ADGRV1: variants seen among roughly 807,000 people sequenced by gnomAD.
ADGRV1 encodes adhesion G protein-coupled receptor V1, also known as G-protein coupled receptor 98.
ADGRV1 carries 359 observed loss-of-function variants against 596.2 expected under a neutral mutation model. The observed-to-expected ratio is 0.60, with a 90% CI of 0.55 to 0.66. The LOEUF is 0.66. Among genes scored for constraint, ADGRV1 ranks in the 30% least tolerant of loss-of-function variants. ADGRV1 has a pLI of 0.00. For synonymous variants in ADGRV1, 2,681 were observed against 2,679.2 expected, an observed-to-expected ratio of 1.00 and a Z score of -0.02; for missense variants, 7,274 against 7,575.6, an observed-to-expected ratio of 0.96 and a Z score of 1.48.
intron 83 of ADGRV1, among the ~76,000 whole-genome samples, chr5:90,934,908 G>T (rs956921404): frequency 5.3e-5 from 8 of 152,108 alleles, no homozygotes; most frequent in Non-Finnish European, 7.4e-5. Flanking sequence ...ATTCTCTGGT[G>T]TGTCTTACAA....
intron 43 of ADGRV1, among the ~76,000 whole-genome samples, chr5:90,718,705 T>C (rs557205070): frequency 6.6e-6 from 1 of 152,056 alleles, no homozygotes; most frequent in East Asian, 1.9e-4. Flanking sequence ...AATATATATA[T>C]AAAAATTCAA....
chr5:91,060,755 A>G (rs1028863973), intron 85 of ADGRV1, among the ~76,000 whole-genome samples: 11 of 152,192 alleles, frequency 7.2e-5, no homozygotes, highest in African/African-American at 2.4e-4. Context: ...CTGAATGTTC[A>G]CCCCTGCAGG....
At chr5:91,115,546 T>A (rs948528822) in intron 87 of ADGRV1, among the ~76,000 whole-genome samples, 4 of 152,194 alleles carry the variant, frequency 2.6e-5, no homozygotes, top group Non-Finnish European at 4.4e-5. Flanking sequence ...GGAAGTTGAG[T>A]AAGATCTTAG....
At chr5:91,120,832 G>C (rs984561914) in intron 87 of ADGRV1, among the ~76,000 whole-genome samples, 16 of 152,170 alleles carry the variant, frequency 1.1e-4, no homozygotes, top group African/African-American at 3.9e-4. Flanking sequence ...GTGGAGTATA[G>C]CTGTACAGAA....
intron 31 of ADGRV1, among the ~76,000 whole-genome samples, chr5:90,692,143 A>G (rs1746559079): frequency 6.6e-6 from 1 of 152,112 alleles, no homozygotes; most frequent in African/African-American, 2.4e-5. Flanking sequence ...TTTTCTCTCT[A>G]AATTTAGGTG....
intron 83 of ADGRV1, 140 bp downstream of exon 83, chr5:90,863,997 G>A (rs1441901732): frequency 1.7e-6 from 1 of 591,342 alleles, no homozygotes; most frequent in Non-Finnish European, 3.0e-6. Flanking sequence ...GGAAGAGAAT[G>A]GGGACAGGAG....
At chr5:90,704,110 C>T (rs990143376) in intron 35 of ADGRV1, among the ~76,000 whole-genome samples, 13 of 152,276 alleles carry the variant, frequency 8.5e-5, no homozygotes, top group African/African-American at 2.9e-4. Flanking sequence ...ACCTCTCCAA[C>T]TTTGTGCTTT....
At chr5:90,698,561 A>AAC (rs1747497653) in intron 34 of ADGRV1, among the ~76,000 whole-genome samples, 2 of 152,168 alleles carry the variant, frequency 1.3e-5, no homozygotes, top group Non-Finnish European at 2.9e-5. Context: ...ATTTGAAGTT[A>AAC]TTTGAGTTGG....
intron 67 of ADGRV1, among the ~76,000 whole-genome samples, chr5:90,786,239 G>A (rs1344729948): frequency 6.6e-6 from 1 of 151,572 alleles, no homozygotes; most frequent in Non-Finnish European, 1.5e-5. Context: ...ATCATACACT[G>A]GGGCCTATTG....
chr5:90,959,361 G>A (rs1161154929), intron 83 of ADGRV1, among the ~76,000 whole-genome samples: 1 of 151,698 alleles, frequency 6.6e-6, no homozygotes, highest in Non-Finnish European at 1.5e-5. Flanking sequence ...CTAAATAAAT[G>A]GAGAAAGACA....
At position 91,030,218 on chromosome 5, in the gene ADGRV1, G is replaced by A. The variant is rs1320101618; in HGVS notation, c.18153-42229G>A. On this transcript the variant is annotated intron_variant, in intron 85 of 89. Transcript: ENST00000405460. ...TATTGATAGATATTCAAATATTAAA[G>A]TCTTTGAAATGCTTAGATAAACCCT... is the stretch of plus-strand genomic sequence containing the variant. Among the ~76,000 whole-genome samples the A allele has an allele frequency of 3.3e-5, 5 of 152,180 alleles. No individual in the cohort carries two copies. The South Asian group carries it at 8.3e-4, about 25-fold the overall frequency.
chr5:90,935,764 T>G (rs1775630387), intron 83 of ADGRV1, among the ~76,000 whole-genome samples: 1 of 152,184 alleles, frequency 6.6e-6, no homozygotes, highest in Admixed American at 6.5e-5. Flanking sequence ...CAGTGTTTCT[T>G]AGAATGTGGT....
chr5:90,857,998 A>G (rs572986643), intron 82 of ADGRV1, among the ~76,000 whole-genome samples: 8 of 152,264 alleles, frequency 5.3e-5, no homozygotes, highest in African/African-American at 1.9e-4. Context: ...AGTTCTATTT[A>G]CTATACTAGA....
chr5:90,667,730 A>G (rs1193179265), intron 21 of ADGRV1, among the ~76,000 whole-genome samples: 2 of 151,978 alleles, frequency 1.3e-5, no homozygotes, highest in East Asian at 1.9e-4. Context: ...TTTTTTCCCC[A>G]TCTTTGTGGT....
intron 87 of ADGRV1, among the ~76,000 whole-genome samples, chr5:91,103,405 C>A (rs987433485): frequency 1.2e-4 from 18 of 150,668 alleles, no homozygotes; most frequent in Admixed American, 5.3e-4. Flanking sequence ...GAACAATCAG[C>A]TCTAAGAATC....
intron 85 of ADGRV1, among the ~76,000 whole-genome samples, chr5:91,043,024 T>C (rs2151282117): frequency 6.6e-6 from 1 of 152,288 alleles, no homozygotes; most frequent in South Asian, 2.1e-4. Flanking sequence ...AGCAACAGTC[T>C]GAGCTTTGTA....
chr5:90,750,584 C>A lies in ADGRV1; in HGVS notation c.11008C>A (p.Gln3670Lys). ...SLYKQVEEME[Q>K]DSLVTLNVER... ...ATATAAGCAAGTGGAAGAAATGGAGCAAGATAGCCTAGTAACCTTGAACGT... is the reference window on the plus strand; with the variant it reads ...ATATAAGCAAGTGGAAGAAATGGAGAAAGATAGCCTAGTAACCTTGAACGT... Residue 3670 changes from glutamine (Q) to lysine (K), a missense_variant, in exon 53 of 90, where the codon CAA (glutamine) becomes AAA (lysine). By Grantham distance (53) the Gln-to-Lys change is moderately conservative. Transcript: ENST00000405460. 6.2e-7 allele frequency: 1 copy of A among 1,610,778 alleles called. No individual in the cohort carries two copies. The highest frequency in any genetic ancestry group is 1.1e-5 in the South Asian group (1 of 90,448).
intron 5 of ADGRV1, among the ~76,000 whole-genome samples, chr5:90,624,567 T>A (rs1764494487): frequency 6.6e-6 from 1 of 152,200 alleles, no homozygotes; most frequent in Admixed American, 6.5e-5. Flanking sequence ...CATGCTATTC[T>A]TAATTTTTTC....
chr5:90,753,534 A>G lies in ADGRV1; in HGVS notation c.11122-40A>G, dbSNP rs763521667. 6.1e-6 allele frequency: 9 copies of G among 1,470,076 alleles called. No individual in the cohort carries two copies. The Admixed American group carries it at 1.0e-4, about 17-fold the overall frequency. 91.1% of individuals were successfully genotyped at this position (1,470,076 alleles called of 1,614,324 possible). ...AAAATATTCTTACTACATAGTGACA[A>G]TTACAAAATAAATAACATCTTCTTT... On this transcript the variant is annotated intron_variant, in intron 53 of 89. Transcript: ENST00000405460.
Sources: gnomAD v4.1 joint callset for allele counts (sites outside exome capture counted in the v4.1 genomes callset) on GRCh38, gnomAD v4.1.1 for gene constraint, MANE v1.5 for transcripts, NCBI Gene and HGNC (gene_info 2026-07-23, HGNC 2026-07-21) for gene names.